The following ARHGEF3 variants were observed in gnomAD, a reference collection of about 807,000 sequenced individuals.
The protein encoded by ARHGEF3 is Rho guanine nucleotide exchange factor 3, also known as 59.8 kDA protein.
In ARHGEF3, 28 loss-of-function variants were observed where a neutral mutation model predicts 63.2. The ratio of observed to expected loss-of-function variants is 0.44; its 90% confidence interval spans 0.33 to 0.61. ARHGEF3 has a LOEUF of 0.61. Among genes scored for constraint, ARHGEF3 ranks in the 20% least tolerant of loss-of-function variants. The pLI is 0.03. For synonymous variants in ARHGEF3, 266 were observed against 254.2 expected (o/e 1.05, Z -0.44); for missense variants, 533 against 659.3 (o/e 0.81, Z 2.10).
chr3:56,734,154 G>A (rs558083999), intron 8 of ARHGEF3, among the ~76,000 whole-genome samples: 2 of 152,292 alleles, frequency 1.3e-5, no homozygotes, highest in South Asian at 2.1e-4. Context: ...GAAAGCAGGT[G>A]TGCTTGGTGG....
intron 2 of ARHGEF3, among the ~76,000 whole-genome samples, chr3:56,773,411 G>A (rs765994412): frequency 6.6e-6 from 1 of 152,084 alleles, no homozygotes; most frequent in African/African-American, 2.4e-5. Context: ...GTTTCCTCAG[G>A]AGGCCCATAG....
chr3:56,752,007 T>G (rs1380761820), intron 4 of ARHGEF3, among the ~76,000 whole-genome samples: 2 of 152,150 alleles, frequency 1.3e-5, no homozygotes, highest in Non-Finnish European at 2.9e-5. Context: ...TAAGAAAAAC[T>G]AAAATATTTT....
chr3:56,947,913 G>A (rs370619457), intron 3 of ARHGEF3, among the ~76,000 whole-genome samples: 6 of 152,040 alleles, frequency 3.9e-5, no homozygotes, highest in African/African-American at 1.4e-4. Flanking sequence ...AAGAACAGAA[G>A]TTATAACAAA....
chr3:56,821,604 A>G (rs974611957), intron 4 of ARHGEF3, among the ~76,000 whole-genome samples: 1 of 152,220 alleles, frequency 6.6e-6, no homozygotes, highest in Non-Finnish European at 1.5e-5. Context: ...AGAGATGTCA[A>G]TACCTACCAA....
chr3:57,010,270 T>A (rs144203419), intron 2 of ARHGEF3, among the ~76,000 whole-genome samples: 9 of 151,828 alleles, frequency 5.9e-5, no homozygotes, highest in African/African-American at 1.5e-4. Context: ...CTGGCTAACA[T>A]GGTGAAACCC....
At chr3:56,771,958 T>C (rs1300404214) in intron 2 of ARHGEF3, among the ~76,000 whole-genome samples, 2 of 152,160 alleles carry the variant, frequency 1.3e-5, no homozygotes, top group African/African-American at 4.8e-5. Flanking sequence ...CAGTGATGAA[T>C]CTTCCAGGGG....
At chr3:56,924,190 C>A (rs2042221177) in intron 3 of ARHGEF3, among the ~76,000 whole-genome samples, 3 of 152,224 alleles carry the variant, frequency 2.0e-5, no homozygotes, top group South Asian at 4.1e-4. Context: ...TACCCCACAC[C>A]TGCACAAACT....
At chr3:56,925,441 G>C (rs2042250740) in intron 3 of ARHGEF3, among the ~76,000 whole-genome samples, 1 of 152,102 alleles carries the variant, frequency 6.6e-6, no homozygotes, top group Non-Finnish European at 1.5e-5. Flanking sequence ...GCTGTCTATA[G>C]GACCATGCCT....
At chr3:56,990,444 C>T (rs879883247) in intron 2 of ARHGEF3, among the ~76,000 whole-genome samples, 3 of 152,130 alleles carry the variant, frequency 2.0e-5, no homozygotes, top group East Asian at 1.9e-4. Flanking sequence ...ATTACTTGGG[C>T]GTGGTGACGT....
At chr3:56,742,032 C>G (rs1056790371) in intron 7 of ARHGEF3, among the ~76,000 whole-genome samples, 1 of 152,336 alleles carries the variant, frequency 6.6e-6, no homozygotes, top group East Asian at 1.9e-4. Flanking sequence ...CTGGACTCAT[C>G]ATCCTCAAAG....
chr3:56,850,643 A>C lies in ARHGEF3; in HGVS notation c.192+31649T>G, dbSNP rs144655029. Reference sequence around the variant, plus strand: ...GTTCTGTTTAACTCATGGTATAGTCAAAAAATAATTTACAAAATTGAATTG... The same window carrying C: ...GTTCTGTTTAACTCATGGTATAGTCCAAAAATAATTTACAAAATTGAATTG... On this transcript the variant is annotated intron_variant, in intron 4 of 12. Transcript: ENST00000338458. Among the ~76,000 whole-genome samples the C allele has an allele frequency of 2.7e-3, 404 of 152,326 alleles. 2 individuals are homozygous for C. Among genetic ancestry groups the C allele is most frequent in the African/African-American group, 9.4e-3 (390 of 41,576 alleles).
chr3:56,980,714 C>G (rs1321377588), intron 2 of ARHGEF3, among the ~76,000 whole-genome samples: 1 of 152,226 alleles, frequency 6.6e-6, no homozygotes, highest in East Asian at 1.9e-4. Context: ...TGACAAGAAC[C>G]TGAAGTATGT....
intron 3 of ARHGEF3, among the ~76,000 whole-genome samples, chr3:56,926,196 G>T (rs1164371820): frequency 6.6e-6 from 1 of 152,154 alleles, no homozygotes; most frequent in Admixed American, 6.5e-5. Context: ...GAGTTGCCAG[G>T]CTGAGGAGAG....
At chr3:56,877,250 T>A (rs943345755) in intron 4 of ARHGEF3, among the ~76,000 whole-genome samples, 1 of 152,132 alleles carries the variant, frequency 6.6e-6, no homozygotes, top group African/African-American at 2.4e-5. Flanking sequence ...TAGATTTAAA[T>A]GAACACATTT....
Position 56,729,296 on chromosome 3 carries a change from T to C in ARHGEF3, c.1555A>G (p.Ser519Gly). 6.2e-7 allele frequency: 1 copy of C among 1,613,650 alleles called. No individual in the cohort carries two copies. The highest frequency in any genetic ancestry group is 8.5e-7 in the Non-Finnish European group (1 of 1,179,618). ...CAGACGTTACTTTCACCGTGCCTGC[T>C]GTTTCCACAGGAAGAGTCTGTCTGT... is the stretch of plus-strand genomic sequence containing the variant. ...MEQTDSSCGNSRHGESNV is the reference protein window; with the variant it reads ...MEQTDSSCGNGRHGESNV The change falls in exon 10 of 10, where the codon AGC (serine) becomes GGC (glycine). Residue 519 changes from serine to glycine, a missense_variant. This residue lies in a region of ARHGEF3 where 115 missense variants were observed against 103.4 expected (regional missense o/e 1.11). Coordinates refer to ENST00000296315, the MANE Select transcript of ARHGEF3 (RefSeq NM_019555.3).
chr3:56,903,274 A>C (rs2041583800), intron 3 of ARHGEF3, among the ~76,000 whole-genome samples: 1 of 152,152 alleles, frequency 6.6e-6, no homozygotes, highest in Non-Finnish European at 1.5e-5. Context: ...GATAATATGA[A>C]GGTTTGGAGA....
chr3:56,791,250 C>T (rs1267137691), intron 1 of ARHGEF3, among the ~76,000 whole-genome samples: 1 of 151,926 alleles, frequency 6.6e-6, no homozygotes, highest in African/African-American at 2.4e-5. Context: ...AAAAATAAAA[C>T]AATTGAAAGA....
rs529290530 is a variant in ARHGEF3, at chr3:56,850,457, G to A, written c.192+31835C>T. On this transcript the variant is annotated intron_variant, in intron 4 of 12. Transcript: ENST00000338458. ...GGCAGGAGAGTCACTTGAACCTGGG[G>A]TGCAGAGGTTGCAGTGAGCTGAGAT... 8.5e-5 allele frequency among the ~76,000 whole-genome samples: 13 copies of A among 152,280 alleles called. No homozygotes were observed. In the South Asian group the frequency reaches 2.3e-3, roughly 27 times the overall value.
At position 56,830,263 on chromosome 3, in the gene ARHGEF3, T is replaced by C. The variant is rs543229718; in HGVS notation, c.192+52029A>G. Among the ~76,000 whole-genome samples, 4 of 152,134 alleles carry C rather than the reference T, an allele frequency of 2.6e-5. No individual in the cohort carries two copies. The East Asian group carries it at 7.7e-4, about 29-fold the overall frequency. ...GGAGTGATGGTGGAGGTGGTGCTGG[T>C]GGGGATGGTTGGTGCTAGTGCTGAT... is the stretch of plus-strand genomic sequence containing the variant. On this transcript the variant is annotated intron_variant, in intron 4 of 12. Coordinates refer to the ARHGEF3 transcript ENST00000338458.
Sources: gnomAD v4.1 joint callset for allele counts (sites outside exome capture counted in the v4.1 genomes callset) on GRCh38, gnomAD v4.1.1 for gene constraint, gnomAD v4.1.1 regional missense constraint, MANE v1.5 for transcripts, NCBI Gene and HGNC (gene_info 2026-07-23, HGNC 2026-07-21) for gene names.